Variants in MECOM observed in about 807,000 individuals in gnomAD.
MECOM encodes the protein MDS1 and EVI1 complex locus.
MECOM carries 13 observed loss-of-function variants against 116.3 expected under a neutral mutation model. The observed-to-expected ratio is 0.11, with a 90% CI of 0.07 to 0.18. The LOEUF (loss-of-function observed/expected upper bound fraction) is 0.18, where lower values mean the gene tolerates loss of function less well. Ranked by LOEUF, MECOM falls within the 10% of genes least tolerant of loss-of-function variation. The pLI, the probability that MECOM is intolerant of heterozygous loss-of-function variation, is 1.00. For missense variants in MECOM, 1,299 were observed against 1,509.0 expected, an observed-to-expected ratio of 0.86 and a Z score of 2.31; for synonymous variants, 528 against 535.2, an observed-to-expected ratio of 0.99 and a Z score of 0.19.
At chr3:169,412,950 A>G (rs1157990307) in intron 1 of MECOM, among the ~76,000 whole-genome samples, 1 of 152,212 alleles carries the variant, frequency 6.6e-6, no homozygotes, top group Non-Finnish European at 1.5e-5. Context: ...TGTTTTATTC[A>G]TGGTCAAGAT....
chr3:169,198,842 TGCTACG>T (rs1180361793), intron 2 of MECOM, among the ~76,000 whole-genome samples: 1 of 151,918 alleles, frequency 6.6e-6, no homozygotes, highest in Non-Finnish European at 1.5e-5. Flanking sequence ...CATTTTAGTG[TGCTACG>T]GTAACAAATA....
In MECOM at chr3:169,230,759, T is replaced by C. The variant is rs74459854; in HGVS notation, c.376-86927A>G. On this transcript the variant is annotated intron_variant, in intron 2 of 16. Transcript: ENST00000651503. ...ACCCAAGCCTACTTCAATTTTTAAA[T>C]TTCCTAGATGGTCATTTTGAAGGTC... Among the ~76,000 whole-genome samples, 812 of 152,284 alleles carry C rather than the reference T, an allele frequency of 5.3e-3. 13 individuals carry two copies. Among genetic ancestry groups the C allele is most frequent in the African/African-American group, 0.019 (782 of 41,560 alleles).
chr3:169,507,806 CA>C (rs375628374), intron 1 of MECOM, among the ~76,000 whole-genome samples: 18 of 148,882 alleles, frequency 1.2e-4, no homozygotes, highest in Non-Finnish European at 2.5e-4. Flanking sequence ...GGACCACAGG[CA>C]CCGCCACCAC....
intron 1 of MECOM, among the ~76,000 whole-genome samples, chr3:169,587,929 G>A (rs1286317323): frequency 1.3e-5 from 2 of 151,842 alleles, no homozygotes; most frequent in Non-Finnish European, 2.9e-5. Flanking sequence ...CTGGCCTTAA[G>A]GATCAGATCC....
chr3:169,167,760 T>C (rs1316898284), intron 2 of MECOM, among the ~76,000 whole-genome samples: 2 of 151,940 alleles, frequency 1.3e-5, no homozygotes, highest in East Asian at 3.9e-4. Context: ...CATATACACA[T>C]ACACAGACAC....
rs1289352652 is a variant in MECOM at position 169,378,500 on chromosome 3, A to G, written c.375+2687T>C. 1.0e-3 allele frequency among the ~76,000 whole-genome samples: 37 copies of G among 36,958 alleles called. 5 individuals carry two copies. Among genetic ancestry groups the G allele is most frequent in the African/African-American group, 7.5e-3 (27 of 3,610 alleles). The allele number at this position is 36,958 out of a possible 152,430, so 24.2% of individuals were successfully genotyped here. On this transcript the variant is annotated intron_variant, in intron 2 of 16. Transcript: ENST00000651503. ...AAGAAAGAGAGAGAGAAAGAAAGAA[A>G]GAAAGAAAGAAAGAAAAGAAAGAAA... is the stretch of plus-strand genomic sequence containing the variant.
chr3:169,345,128 G>C (rs1015086095), intron 2 of MECOM, among the ~76,000 whole-genome samples: 1 of 152,082 alleles, frequency 6.6e-6, no homozygotes, highest in Non-Finnish European at 1.5e-5. Flanking sequence ...CATTAATCCA[G>C]CTGTAAGGGA....
At chr3:169,146,261 G>C in intron 2 of MECOM, 1 of 1,183,628 alleles carries the variant, frequency 8.4e-7, no homozygotes, top group Non-Finnish European at 1.1e-6. Context: ...ACTTTCTCGC[G>C]AAGCAGCACA....
At position 169,640,115 on chromosome 3, in the gene MECOM, C is replaced by T. The variant is rs543744311; in HGVS notation, c.37+23221G>A. On this transcript the variant is annotated intron_variant, in intron 1 of 16. Coordinates refer to ENST00000651503, the MANE Select transcript of MECOM (RefSeq NM_004991.4). ...CACAGAGATAATTCTTTATAAGAGA[C>T]GTAGTGAATATTTGATTTGAGCAAT... Among the ~76,000 whole-genome samples, 23 of 151,882 alleles carry T rather than the reference C, an allele frequency of 1.5e-4. 1 individual carries two copies. In the South Asian group the frequency reaches 2.3e-3, roughly 15 times the overall value.
chr3:169,552,204 AAG>A (rs1202782354), intron 1 of MECOM, among the ~76,000 whole-genome samples: 1 of 115,338 alleles, frequency 8.7e-6, no homozygotes, highest in Non-Finnish European at 1.9e-5. Flanking sequence ...TCACAATAAA[AAG>A]AAATTTGAGA....
intron 1 of MECOM, among the ~76,000 whole-genome samples, chr3:169,601,389 A>T (rs1429667070): frequency 1.3e-5 from 2 of 152,222 alleles, no homozygotes; most frequent in Non-Finnish European, 2.9e-5. Context: ...GGGGTTTATA[A>T]AAGAGGAAGG....
rs114193834 is a variant in MECOM, at chr3:169,105,294, C to T, written c.2604+2632G>A. ...GGTAACTTGGCAGTTCTGTGATCAACATCAGCCCTAGTCAACACCTTAGAT... is the reference window on the plus strand; with the variant it reads ...GGTAACTTGGCAGTTCTGTGATCAATATCAGCCCTAGTCAACACCTTAGAT... On this transcript the variant is annotated intron_variant, in intron 10 of 16. Coordinates refer to ENST00000651503, the MANE Select transcript of MECOM (RefSeq NM_004991.4). 7.1e-3 allele frequency among the ~76,000 whole-genome samples: 1,079 copies of T among 152,212 alleles called. 9 individuals are homozygous for T. The highest frequency in any genetic ancestry group is 0.048 in the Middle Eastern group (14 of 294).
chr3:169,661,846 T>C (rs1467343255), intron 1 of MECOM, among the ~76,000 whole-genome samples: 1 of 152,198 alleles, frequency 6.6e-6, no homozygotes, highest in Non-Finnish European at 1.5e-5. Flanking sequence ...CCATCTCCGA[T>C]CTCTCATTTC....
At chr3:169,317,300 T>C (rs1489279314) in intron 2 of MECOM, among the ~76,000 whole-genome samples, 1 of 152,194 alleles carries the variant, frequency 6.6e-6, no homozygotes, top group Non-Finnish European at 1.5e-5. Context: ...TCAGAAAGGT[T>C]AAATAGCTTT....
At chr3:169,146,567 A>G in intron 2 of MECOM, 1 of 1,375,844 alleles carries the variant, frequency 7.3e-7, no homozygotes, top group South Asian at 1.1e-5. Context: ...CAACGTAGAT[A>G]AGCAGCAGGG....
At chr3:169,288,568 C>T (rs1050901764) in intron 2 of MECOM, among the ~76,000 whole-genome samples, 1 of 152,146 alleles carries the variant, frequency 6.6e-6, no homozygotes, top group Non-Finnish European at 1.5e-5. Flanking sequence ...GCAGAGCCAT[C>T]ATTTAATAGT....
chr3:169,101,855 T>G (rs9290357), intron 11 of MECOM, among the ~76,000 whole-genome samples: 134,543 of 152,240 alleles, frequency 0.88, 59,587 homozygotes, highest in Admixed American at 0.9. Flanking sequence ...CAACCAAATG[T>G]CCTGTGTTAA....
At chr3:169,333,200 A>T (rs1723038124) in intron 2 of MECOM, among the ~76,000 whole-genome samples, 2 of 152,156 alleles carry the variant, frequency 1.3e-5, no homozygotes. Context: ...CTGAAGCCAA[A>T]AAAAGAGAAA....
intron 1 of MECOM, among the ~76,000 whole-genome samples, chr3:169,553,909 T>C (rs1761705627): frequency 6.6e-6 from 1 of 152,176 alleles, no homozygotes; most frequent in African/African-American, 2.4e-5. Flanking sequence ...TTTAAAGGCC[T>C]ATCTCCAAAT....
Sources: gnomAD v4.1 joint callset for allele counts (sites outside exome capture counted in the v4.1 genomes callset) on GRCh38, gnomAD v4.1.1 for gene constraint, MANE v1.5 for transcripts, NCBI Gene and HGNC (gene_info 2026-07-23, HGNC 2026-07-21) for gene names.